The following CDH13 variants were observed in gnomAD, a reference collection of about 807,000 sequenced individuals.
CDH13 encodes the protein cadherin 13.
CDH13 carries 24 observed loss-of-function variants against 63.8 expected under a neutral mutation model. The observed-to-expected ratio is 0.38, with a 90% CI of 0.27 to 0.53. The LOEUF is 0.53. CDH13 is among the 20% of genes least tolerant of loss of function. The pLI is 0.85. For synonymous variants in CDH13, 503 were observed against 355.3 expected, an observed-to-expected ratio of 1.42 and a Z score of -4.67; for missense variants, 1,049 against 903.1, an observed-to-expected ratio of 1.16 and a Z score of -2.07.
intron 1 of CDH13, among the ~76,000 whole-genome samples, chr16:82,794,781 T>C (rs1210805054): frequency 6.6e-6 from 1 of 152,222 alleles, no homozygotes; most frequent in African/African-American, 2.4e-5. Context: ...TCAGAAGTTG[T>C]AGAATAATTT....
At chr16:83,370,689 T>G in intron 6 of CDH13, among the ~76,000 whole-genome samples, 1 of 152,208 alleles carries the variant, frequency 6.6e-6, no homozygotes, top group East Asian at 1.9e-4. Context: ...GTACTCAGTG[T>G]TTAGCTCCCA....
chr16:83,316,785 A>G (rs2090114693), intron 5 of CDH13, among the ~76,000 whole-genome samples: 1 of 152,348 alleles, frequency 6.6e-6, no homozygotes, highest in South Asian at 2.1e-4. Flanking sequence ...CTTTTGCTGT[A>G]AAACAAACAA....
chr16:83,363,504 C>T (rs998998106), intron 6 of CDH13, among the ~76,000 whole-genome samples: 4 of 152,168 alleles, frequency 2.6e-5, no homozygotes, highest in Non-Finnish European at 5.9e-5. Flanking sequence ...AAGAAACCAG[C>T]ATTTCCCAAG....
At chr16:82,790,976 G>A (rs940360715) in intron 1 of CDH13, among the ~76,000 whole-genome samples, 18 of 152,272 alleles carry the variant, frequency 1.2e-4, no homozygotes, top group East Asian at 5.8e-4. Context: ...GGTGGCTCAC[G>A]CCTGTAATCC....
chr16:82,848,283 A>G (rs1037943196), intron 1 of CDH13, among the ~76,000 whole-genome samples: 2 of 152,150 alleles, frequency 1.3e-5, no homozygotes, highest in Non-Finnish European at 1.5e-5. Context: ...CTTGCAGAGA[A>G]TTACATTGTT....
Position 82,761,729 on chromosome 16 carries a change from T to C in CDH13, c.46-96633T>C, listed in dbSNP as rs528320276. 2.6e-5 allele frequency among the ~76,000 whole-genome samples: 4 copies of C among 152,320 alleles called. No homozygotes were observed. The South Asian group carries it at 6.2e-4, about 24-fold the overall frequency. ...TAAGTTAGTGTTTTTCCAAGTTGCA[T>C]TGTGATGAGGAGAATTTGACATATT... is the stretch of plus-strand genomic sequence containing the variant. On this transcript the variant is annotated intron_variant, in intron 1 of 13. Coordinates refer to ENST00000567109, the MANE Select transcript of CDH13 (RefSeq NM_001257.5).
At chr16:82,954,779 A>T (rs1905817325) in intron 2 of CDH13, 3 of 151,094 alleles carry the variant, frequency 2.0e-5, no homozygotes, top group African/African-American at 7.3e-5. Flanking sequence ...ATCCTGAGTC[A>T]TACCTCATTT....
At chr16:82,876,681 G>T (rs2040516972) in intron 2 of CDH13, among the ~76,000 whole-genome samples, 1 of 152,142 alleles carries the variant, frequency 6.6e-6, no homozygotes, top group Admixed American at 6.5e-5. Flanking sequence ...TTCCAGTTTG[G>T]GATGTCTTTA....
At chr16:83,740,735 C>G (rs1837961830) in intron 10 of CDH13, among the ~76,000 whole-genome samples, 1 of 152,132 alleles carries the variant, frequency 6.6e-6, no homozygotes, top group African/African-American at 2.4e-5. Context: ...CTGTTCTCAG[C>G]TGTTATGGAG....
chr16:82,929,591 G>T (rs922504862), intron 2 of CDH13, among the ~76,000 whole-genome samples: 2 of 139,810 alleles, frequency 1.4e-5, no homozygotes, highest in African/African-American at 2.7e-5. Context: ...GGCGGAGCTT[G>T]CAGTGAGCAA....
intron 2 of CDH13, among the ~76,000 whole-genome samples, chr16:82,911,547 T>A (rs1179230523): frequency 6.6e-6 from 1 of 152,164 alleles, no homozygotes; most frequent in Non-Finnish European, 1.5e-5. Flanking sequence ...TGTGTCTCCA[T>A]CTGTAAAATG....
chr16:82,913,281 C>A (rs949633377), intron 2 of CDH13, among the ~76,000 whole-genome samples: 3 of 152,130 alleles, frequency 2.0e-5, no homozygotes, highest in Admixed American at 2.0e-4. Flanking sequence ...ACGTTCGATG[C>A]TGCGTTGTTC....
At chr16:83,759,674 C>T (rs2150985108) in intron 11 of CDH13, among the ~76,000 whole-genome samples, 2 of 152,116 alleles carry the variant, frequency 1.3e-5, no homozygotes, top group Middle Eastern at 3.4e-3. Flanking sequence ...GCCCTATAAT[C>T]CCAGCACCTT....
intron 5 of CDH13, among the ~76,000 whole-genome samples, chr16:83,296,344 C>T (rs1470670471): frequency 6.6e-6 from 1 of 152,132 alleles, no homozygotes; most frequent in East Asian, 1.9e-4. Flanking sequence ...GTAGCAGAGT[C>T]GGATGATGCA....
chr16:82,719,103 T>G (rs573739449), intron 1 of CDH13, among the ~76,000 whole-genome samples: 1 of 152,326 alleles, frequency 6.6e-6, no homozygotes, highest in Admixed American at 6.5e-5. Flanking sequence ...ATGTGAAAGT[T>G]ATTTGCAGTT....
chr16:82,855,105 C>T (rs989175949), intron 1 of CDH13, among the ~76,000 whole-genome samples: 1 of 152,176 alleles, frequency 6.6e-6, no homozygotes, highest in Non-Finnish European at 1.5e-5. Context: ...GGTGAAGTGT[C>T]CCAAGAATTT....
chr16:83,068,583 C>T (rs980941674), intron 3 of CDH13, among the ~76,000 whole-genome samples: 1 of 152,178 alleles, frequency 6.6e-6, no homozygotes, highest in African/African-American at 2.4e-5. Flanking sequence ...GAACCAGCCA[C>T]CTGACCATTC....
At chr16:83,544,769 C>T (rs2075354680) in intron 7 of CDH13, among the ~76,000 whole-genome samples, 1 of 152,170 alleles carries the variant, frequency 6.6e-6, no homozygotes, top group African/African-American at 2.4e-5. Context: ...AGGGATTTAA[C>T]CCTCACCGTC....
intron 3 of CDH13, among the ~76,000 whole-genome samples, chr16:83,077,671 A>G (rs544087221): frequency 6.6e-6 from 1 of 152,268 alleles, no homozygotes; most frequent in East Asian, 1.9e-4. Context: ...TGCTATAAAA[A>G]CGTTCATGCA....
Sources: gnomAD v4.1 joint callset for allele counts (sites outside exome capture counted in the v4.1 genomes callset) on GRCh38, gnomAD v4.1.1 for gene constraint, MANE v1.5 for transcripts, NCBI Gene and HGNC (gene_info 2026-07-23, HGNC 2026-07-21) for gene names.